The following CNOT6 variants were observed in gnomAD, a reference collection of about 807,000 sequenced individuals.
CNOT6 encodes carbon catabolite repression 4 protein.
In CNOT6, 12 loss-of-function variants were observed where a neutral mutation model predicts 61.2. That is an observed-to-expected ratio of 0.20 (90% CI 0.13 to 0.32). The LOEUF (loss-of-function observed/expected upper bound fraction) is 0.32. CNOT6 is among the 10% of genes least tolerant of loss of function. The probability of loss-of-function intolerance (pLI) is 1.00; values close to 1 mark genes in which losing one functional copy is unlikely to be tolerated. For missense variants in CNOT6, 405 were observed against 663.9 expected, an observed-to-expected ratio of 0.61 and a Z score of 4.28; for synonymous variants, 225 against 240.6, an observed-to-expected ratio of 0.94 and a Z score of 0.60.
Position 180,569,151 on chromosome 5 carries a change from G to C in CNOT6, c.1069G>C (p.Val357Leu). The change falls in exon 10 of 12, where the codon GTG becomes CTG. Residue 357 changes from valine to leucine, a missense_variant. Physicochemically the swap from Val to Leu is conservative, Grantham distance 32 (BLOSUM62 1). Around this residue, in one of 5 missense-constraint regions of CNOT6, gnomAD observed 116 missense variants for 184.6 expected, o/e 0.63. Transcript: ENST00000261951. ...HLGTEKQLIL[V>L]ANAHMHWDPE... ...TGGAACAGAAAAACAACTTATTCTT[G>C]TGGCTAACGCCCACATGCATTGGGA... is the stretch of plus-strand genomic sequence containing the variant. The C allele has an allele frequency of 6.2e-7, 1 of 1,614,032 alleles. No individual in the cohort carries two copies. Among genetic ancestry groups the C allele is most frequent in the East Asian group, 2.2e-5 (1 of 44,864 alleles).
intron 1 of CNOT6, among the ~76,000 whole-genome samples, chr5:180,515,361 G>A (rs925237956): frequency 6.6e-6 from 1 of 152,166 alleles, no homozygotes; most frequent in African/African-American, 2.4e-5. Flanking sequence ...AGGTGACAGC[G>A]AGACATTGTC....
intron 2 of CNOT6, among the ~76,000 whole-genome samples, chr5:180,533,323 T>C (rs1185319803): frequency 3.0e-5 from 2 of 65,940 alleles, no homozygotes; most frequent in Non-Finnish European, 9.5e-5. Context: ...TATATATATA[T>C]ATATATATAT....
At chr5:180,555,218 G>A (rs542124612) in intron 4 of CNOT6, among the ~76,000 whole-genome samples, 4 of 152,232 alleles carry the variant, frequency 2.6e-5, no homozygotes, top group African/African-American at 9.6e-5. Flanking sequence ...TGTTGGCTAG[G>A]CTGGTCTCAA....
At chr5:180,528,689 A>G (rs1758210437) in intron 1 of CNOT6, among the ~76,000 whole-genome samples, 2 of 152,320 alleles carry the variant, frequency 1.3e-5, no homozygotes, top group Non-Finnish European at 1.5e-5. Flanking sequence ...CATGAAGTTC[A>G]TGATGACTCA....
intron 1 of CNOT6, among the ~76,000 whole-genome samples, chr5:180,520,879 C>G (rs1308622265): frequency 6.7e-6 from 1 of 148,172 alleles, no homozygotes; most frequent in Non-Finnish European, 1.5e-5. Context: ...GAGTCTCTTT[C>G]TGTCGCCCAG....
intron 1 of CNOT6, among the ~76,000 whole-genome samples, chr5:180,527,936 G>A (rs1758177628): frequency 6.6e-6 from 1 of 152,268 alleles, no homozygotes; most frequent in East Asian, 1.9e-4. Context: ...TAGGCTGTGC[G>A]TTCCTTATGA....
In CNOT6 at chr5:180,565,823, T is replaced by C. The variant is rs1760421177; in HGVS notation, c.563T>C (p.Leu188Ser). The stretch of plus-strand genomic sequence containing the variant: ...AGTAAAGTTATCTTTCCTACAGCCT[T>C]GTTTTCTGTCATGTGCTATAATGTT... ...QEPDRTRPTA[L>S]FSVMCYNVLC... The change falls in exon 7 of 12, where the codon TTG (leucine) becomes TCG (serine). Residue 188 changes from leucine (L) to serine (S), a missense_variant. Coordinates refer to ENST00000261951, the MANE Select transcript of CNOT6 (RefSeq NM_001370472.1). 5 of 1,582,402 alleles carry C rather than the reference T, an allele frequency of 3.2e-6. No individual in the cohort carries two copies. In the East Asian group the frequency reaches 1.1e-4, roughly 36 times the overall value.
chr5:180,499,880 G>A (rs958272433), intron 1 of CNOT6, among the ~76,000 whole-genome samples: 9 of 152,016 alleles, frequency 5.9e-5, no homozygotes, highest in Non-Finnish European at 1.2e-4. Flanking sequence ...AAATAGGTGT[G>A]GCTCTTAACC....
chr5:180,526,662 T>C (rs902291452), intron 1 of CNOT6, among the ~76,000 whole-genome samples: 4 of 152,160 alleles, frequency 2.6e-5, no homozygotes, highest in Admixed American at 1.3e-4. Flanking sequence ...TAAACTTACA[T>C]GGTCATAGGC....
intron 1 of CNOT6, among the ~76,000 whole-genome samples, chr5:180,524,250 T>A (rs554168113): frequency 5.9e-5 from 9 of 152,348 alleles, no homozygotes; most frequent in African/African-American, 2.2e-4. Context: ...TAATCTTCAG[T>A]GACATACTAT....
chr5:180,533,695 A>G (rs779899184), intron 2 of CNOT6, among the ~76,000 whole-genome samples: 2 of 152,214 alleles, frequency 1.3e-5, no homozygotes, highest in African/African-American at 2.4e-5. Flanking sequence ...TATTACAGAC[A>G]TAAGCCAACT....
chr5:180,512,394 G>A (rs114336968), intron 1 of CNOT6, among the ~76,000 whole-genome samples: 2,608 of 152,268 alleles, frequency 0.017, 89 homozygotes, highest in African/African-American at 0.06. Flanking sequence ...TCTGCCAGTT[G>A]CATCAAAAGA....
intron 1 of CNOT6, among the ~76,000 whole-genome samples, chr5:180,505,755 A>G (rs1003921652): frequency 6.6e-6 from 1 of 152,020 alleles, no homozygotes; most frequent in African/African-American, 2.4e-5. Flanking sequence ...TCACTGTGTT[A>G]GCCAGGATAG....
intron 3 of CNOT6, among the ~76,000 whole-genome samples, chr5:180,552,769 T>A (rs1289516828): frequency 6.6e-6 from 1 of 152,216 alleles, no homozygotes; most frequent in Admixed American, 6.5e-5. Flanking sequence ...TCCTTTGATA[T>A]TTATATCATG....
chr5:180,501,219 T>A (rs1188506154), intron 1 of CNOT6, among the ~76,000 whole-genome samples: 1 of 152,108 alleles, frequency 6.6e-6, no homozygotes, highest in Non-Finnish European at 1.5e-5. Context: ...TAGAGTTCAT[T>A]TACGTCCTGT....
At chr5:180,497,825 C>T (rs1756683017) in intron 1 of CNOT6, among the ~76,000 whole-genome samples, 1 of 152,154 alleles carries the variant, frequency 6.6e-6, no homozygotes, top group Non-Finnish European at 1.5e-5. Context: ...GGGCGGATCA[C>T]TTGAGGTTAG....
At chr5:180,513,737 C>T (rs1757506335) in intron 1 of CNOT6, among the ~76,000 whole-genome samples, 3 of 150,024 alleles carry the variant, frequency 2.0e-5, no homozygotes, top group Non-Finnish European at 4.4e-5. Context: ...GAGTCGTGCT[C>T]TGCTGCCCAG....
chr5:180,542,980 A>G (rs1309131634), intron 2 of CNOT6, among the ~76,000 whole-genome samples: 3 of 152,126 alleles, frequency 2.0e-5, no homozygotes, highest in African/African-American at 7.2e-5. Context: ...AATGGTAGAG[A>G]TATATCTTTC....
At chr5:180,566,640 CTTTTTTTT>C (rs70973940) in intron 7 of CNOT6, among the ~76,000 whole-genome samples, 2 of 75,592 alleles carry the variant, frequency 2.6e-5, no homozygotes, top group South Asian at 6.5e-4. Flanking sequence ...AAAGATGTTA[CTTTTTTTT>C]TTTTTTTTTT....
Sources: gnomAD v4.1 joint callset for allele counts (sites outside exome capture counted in the v4.1 genomes callset) on GRCh38, gnomAD v4.1.1 for gene constraint, gnomAD v4.1.1 regional missense constraint, MANE v1.5 for transcripts, NCBI Gene and HGNC (gene_info 2026-07-23, HGNC 2026-07-21) for gene names.